Variants in AIRIM observed in about 807,000 individuals in gnomAD.
AIRIM encodes AFG2-interacting ribosome maturation factor.
chr1:37,688,477 A>G, the AIRIM span, among the ~76,000 whole-genome samples: 62 of 152,166 alleles, frequency 4.1e-4, no homozygotes, highest in Non-Finnish European at 8.2e-4. Context: ...CGTACTTATC[A>G]ATATCTTAGG....
At chr1:37,683,781 A>G in the AIRIM span, 1 of 178,198 alleles carries the variant, frequency 5.6e-6, no homozygotes, top group African/African-American at 2.4e-5. Flanking sequence ...AAGCAGGGAC[A>G]CCCCAGCTGG....
At chr1:37,687,415 A>G in the AIRIM span, among the ~76,000 whole-genome samples, 1 of 151,396 alleles carries the variant, frequency 6.6e-6, no homozygotes, top group Non-Finnish European at 1.5e-5. Flanking sequence ...TACAGGCATG[A>G]GCCACCGTGC....
chr1:37,684,736 G>C, the AIRIM span, among the ~76,000 whole-genome samples: 2 of 152,316 alleles, frequency 1.3e-5, no homozygotes, highest in Admixed American at 1.3e-4. Context: ...GCAGTTCTAA[G>C]AACAATCCAG....
At chr1:37,691,643 C>G in the AIRIM span, 2 of 152,992 alleles carry the variant, frequency 1.3e-5, no homozygotes, top group African/African-American at 4.8e-5. Context: ...CGCGGCTCGG[C>G]GGGGCTCGCC....
At chr1:37,684,880 C>T in the AIRIM span, among the ~76,000 whole-genome samples, 3 of 151,954 alleles carry the variant, frequency 2.0e-5, 1 homozygote, top group Non-Finnish European at 4.4e-5. Context: ...GAGAGAAGAC[C>T]AGGCATGGTG....
chr1:37,690,318 C>T, the AIRIM span: 1 of 1,290,586 alleles, frequency 7.7e-7, no homozygotes, highest in Non-Finnish European at 1.0e-6. Flanking sequence ...CCTGGTTTCC[C>T]CTCGGGAAGG....
the AIRIM span, among the ~76,000 whole-genome samples, chr1:37,685,727 G>A: frequency 3.9e-5 from 6 of 152,068 alleles, no homozygotes; most frequent in Admixed American, 1.3e-4. Flanking sequence ...CTAGAAAGTC[G>A]AGCCCCCTGT....
chr1:37,686,268 G>T, the AIRIM span: 1 of 1,610,906 alleles, frequency 6.2e-7, no homozygotes, highest in South Asian at 1.1e-5. Flanking sequence ...GTGTGCAAAG[G>T]ATACGACTTT....
the AIRIM span, chr1:37,686,442 G>A: frequency 6.2e-7 from 1 of 1,613,216 alleles, no homozygotes; most frequent in Non-Finnish European, 8.5e-7. Context: ...CGCACCTTGA[G>A]GAGGATGGCT....
chr1:37,686,543 A>G, the AIRIM span: 1 of 1,299,934 alleles, frequency 7.7e-7, no homozygotes, highest in Admixed American at 2.1e-5. Context: ...TTTGGACTAC[A>G]TGATTCTCTG....
At chr1:37,684,244 T>G in the AIRIM span, 1 of 152,412 alleles carries the variant, frequency 6.6e-6, no homozygotes, top group African/African-American at 2.4e-5. Flanking sequence ...GTGTAAACAT[T>G]CTAGCACATA....
At chr1:37,681,719 T>C in the AIRIM span, 1 of 152,326 alleles carries the variant, frequency 6.6e-6, no homozygotes, top group African/African-American at 2.4e-5. Flanking sequence ...CAGAATGTAT[T>C]ACCTTTACAG....
the AIRIM span, chr1:37,692,172 A>AG: frequency 6.2e-6 from 1 of 161,218 alleles, no homozygotes. Flanking sequence ...ACCCTGGAGC[A>AG]GAATCCTACA....
At chr1:37,683,890 C>G in the AIRIM span, 4 of 163,026 alleles carry the variant, frequency 2.5e-5, no homozygotes, top group African/African-American at 9.6e-5. Flanking sequence ...ACATGGAGAG[C>G]AGTCAGAAAG....
At chr1:37,684,596 GCAA>G in the AIRIM span, among the ~76,000 whole-genome samples, 1 of 152,206 alleles carries the variant, frequency 6.6e-6, no homozygotes, top group Non-Finnish European at 1.5e-5. Flanking sequence ...CCCAGTCTGG[GCAA>G]CAAGAGCAAA....
the AIRIM span, chr1:37,686,369 A>G: frequency 3.1e-6 from 5 of 1,614,150 alleles, no homozygotes; most frequent in African/African-American, 1.3e-5. Context: ...ATCAATGCCA[A>G]CTGTGTCTGC....
At chr1:37,683,019 C>A in the AIRIM span, 1 of 1,259,602 alleles carries the variant, frequency 7.9e-7, no homozygotes, top group South Asian at 1.3e-5. Flanking sequence ...ACTGATGTTT[C>A]AAATATGTCA....
the AIRIM span, chr1:37,689,658 G>T: frequency 6.2e-7 from 1 of 1,613,750 alleles, no homozygotes; most frequent in Non-Finnish European, 8.5e-7. Flanking sequence ...AGCTGCTTAC[G>T]CCTCAGCCGC....
the AIRIM span, chr1:37,683,382 T>A: frequency 6.2e-7 from 1 of 1,614,032 alleles, no homozygotes. Context: ...AAAGCTTGTA[T>A]GTTTGCCAAG....
Sources: allele counts gnomAD v4.1 joint callset (sites outside exome capture counted in the v4.1 genomes callset), GRCh38; gene constraint gnomAD v4.1.1; transcripts MANE v1.5; gene names NCBI Gene and HGNC (gene_info 2026-07-23, HGNC 2026-07-21).